Variants in SNX29 observed in about 807,000 individuals in gnomAD.
SNX29 encodes the protein sorting nexin-29.
In SNX29, 78 loss-of-function variants were observed where a neutral mutation model predicts 102.1. That is an observed-to-expected ratio of 0.76 (90% CI 0.64 to 0.92). The LOEUF is 0.92. SNX29 is among the 40% of genes least tolerant of loss of function. SNX29 has a pLI of 0.00. For synonymous variants in SNX29, 580 were observed against 414.5 expected (o/e 1.40, Z -4.85); for missense variants, 1,280 against 1,061.7 (o/e 1.21, Z -2.86).
intron 14 of SNX29, among the ~76,000 whole-genome samples, chr16:12,238,657 A>C (rs975364892): frequency 6.6e-6 from 1 of 152,170 alleles, no homozygotes; most frequent in Admixed American, 6.5e-5. Flanking sequence ...GTCAGTGGGG[A>C]CCGCAAACCG....
chr16:12,224,649 G>C (rs2077563381), intron 14 of SNX29, among the ~76,000 whole-genome samples: 1 of 152,256 alleles, frequency 6.6e-6, no homozygotes, highest in African/African-American at 2.4e-5. Flanking sequence ...GAATTCTAAA[G>C]AGCCTACATG....
chr16:12,197,845 G>C (rs1448184907), intron 13 of SNX29, among the ~76,000 whole-genome samples: 2 of 151,536 alleles, frequency 1.3e-5, no homozygotes, highest in Non-Finnish European at 2.9e-5. Flanking sequence ...TAGTGTCTGA[G>C]TTTGATCCTT....
chr16:12,497,335 G>A (rs572959251), intron 19 of SNX29, among the ~76,000 whole-genome samples: 12 of 152,170 alleles, frequency 7.9e-5, no homozygotes, highest in South Asian at 2.1e-4. Context: ...CCTTGGAGAC[G>A]AATAAGATAC....
At chr16:11,978,464 G>C (rs1204901774) in intron 1 of SNX29, among the ~76,000 whole-genome samples, 1 of 152,148 alleles carries the variant, frequency 6.6e-6, no homozygotes, top group African/African-American at 2.4e-5. Flanking sequence ...GGCTTGTAAT[G>C]ACTAAATAAC....
chr16:12,041,445 A>C (rs2049876291), intron 4 of SNX29, among the ~76,000 whole-genome samples: 1 of 152,216 alleles, frequency 6.6e-6, no homozygotes, highest in Non-Finnish European at 1.5e-5. Flanking sequence ...GCTGTAACAA[A>C]TTAATACACA....
At chr16:12,529,835 C>T (rs919463762) in intron 20 of SNX29, among the ~76,000 whole-genome samples, 1 of 152,198 alleles carries the variant, frequency 6.6e-6, no homozygotes, top group Non-Finnish European at 1.5e-5. Context: ...TGAACCTAAG[C>T]TGCTTTGCAA....
At chr16:12,248,486 C>A (rs1429197125) in intron 14 of SNX29, among the ~76,000 whole-genome samples, 2 of 151,934 alleles carry the variant, frequency 1.3e-5, no homozygotes, top group Non-Finnish European at 2.9e-5. Flanking sequence ...ACGTCTGCCT[C>A]CTGGGTTCAA....
intron 18 of SNX29, among the ~76,000 whole-genome samples, chr16:12,418,795 G>T (rs11075070): frequency 0.56 from 84,785 of 152,006 alleles, 24,248 homozygotes; most frequent in Non-Finnish European, 0.63. Flanking sequence ...GATTACAGAT[G>T]TGAGCCACAG....
chr16:12,076,869 C>T (rs1168637848), intron 10 of SNX29, among the ~76,000 whole-genome samples: 2 of 152,174 alleles, frequency 1.3e-5, no homozygotes, highest in Non-Finnish European at 2.9e-5. Flanking sequence ...AAGGGTTCTG[C>T]TCTCTCAAAA....
intron 13 of SNX29, among the ~76,000 whole-genome samples, chr16:12,151,359 C>G (rs2055293620): frequency 6.6e-6 from 1 of 152,170 alleles, no homozygotes. Context: ...TTCAAAGTTC[C>G]TTGATGGTCG....
At chr16:12,078,744 A>C (rs1567186178) in intron 10 of SNX29, 89 bp from the exon 11 acceptor site, 7 of 1,078,366 alleles carry the variant, frequency 6.5e-6, no homozygotes, top group South Asian at 1.3e-5. Context: ...GAGGTACCGG[A>C]GTAAACCGAC....
chr16:12,572,651 C>T lies in SNX29; in HGVS notation c.*4022C>T, dbSNP rs1567231415. On this transcript the variant is annotated 3_prime_UTR_variant, in exon 21 of 21. Coordinates refer to ENST00000566228, the MANE Select transcript of SNX29 (RefSeq NM_032167.5). ...CCATCCTTCATTCCTCCACCAAGCTCCTGTGTGAGCTGCAGCACCCACACG... is the reference window on the plus strand; with the variant it reads ...CCATCCTTCATTCCTCCACCAAGCTTCTGTGTGAGCTGCAGCACCCACACG... The T allele has an allele frequency of 1.9e-6, 2 of 1,064,006 alleles. No homozygotes were observed. Among genetic ancestry groups the T allele is most frequent in the Non-Finnish European group, 2.3e-6 (2 of 878,534 alleles). 65.9% of individuals were successfully genotyped at this position (1,064,006 alleles called of 1,614,324 possible).
chr16:12,408,100 C>T (rs1371644354), intron 18 of SNX29, among the ~76,000 whole-genome samples: 1 of 151,516 alleles, frequency 6.6e-6, no homozygotes, highest in African/African-American at 2.4e-5. Flanking sequence ...TGAGATTGCA[C>T]TGAGCTGTTA....
chr16:12,558,489 C>T (rs1030183757), intron 20 of SNX29, among the ~76,000 whole-genome samples: 1 of 152,174 alleles, frequency 6.6e-6, no homozygotes, highest in Non-Finnish European at 1.5e-5. Flanking sequence ...AAGCACAGTG[C>T]ATCTTTAGTT....
intron 18 of SNX29, among the ~76,000 whole-genome samples, chr16:12,473,931 G>A (rs1241125420): frequency 2.6e-5 from 4 of 152,142 alleles, no homozygotes; most frequent in East Asian, 3.9e-4. Flanking sequence ...AGCAGCTCTC[G>A]GGGCTGCTCT....
At chr16:12,476,395 T>TATATATATATATATAC (rs2087622403) in intron 18 of SNX29, among the ~76,000 whole-genome samples, 1 of 18,064 alleles carries the variant, frequency 5.5e-5, no homozygotes, top group Non-Finnish European at 7.9e-5. Flanking sequence ...TATATATATA[T>TATATATATATATATAC]ATATATATAT....
intron 11 of SNX29, among the ~76,000 whole-genome samples, chr16:12,112,156 C>T (rs754770707): frequency 2.0e-5 from 3 of 152,284 alleles, no homozygotes; most frequent in East Asian, 3.9e-4. Context: ...TGTACCTTCA[C>T]CTCCCTTCGT....
At chr16:12,269,882 ATGGGGTCTCACTC>A (rs2079040654) in intron 14 of SNX29, among the ~76,000 whole-genome samples, 1 of 151,370 alleles carries the variant, frequency 6.6e-6, no homozygotes, top group African/African-American at 2.4e-5. Context: ...ATTATTTGAG[ATGGGGTCTCACTC>A]TGTTGCCCAG....
At chr16:12,328,547 T>G (rs2081192232) in intron 15 of SNX29, among the ~76,000 whole-genome samples, 1 of 151,892 alleles carries the variant, frequency 6.6e-6, no homozygotes. Context: ...GGAACATGAG[T>G]GATACCTGTG....
Sources: gnomAD v4.1 joint callset for allele counts (sites outside exome capture counted in the v4.1 genomes callset) on GRCh38, gnomAD v4.1.1 for gene constraint, MANE v1.5 for transcripts, NCBI Gene and HGNC (gene_info 2026-07-23, HGNC 2026-07-21) for gene names.